The following ERCC6L2 variants were observed in gnomAD, a reference collection of about 807,000 sequenced individuals.
The protein encoded by ERCC6L2 is DNA excision repair protein ERCC-6-like 2.
Under a neutral mutation model 132.0 loss-of-function variants are expected in ERCC6L2, and 77 were observed. The ratio of observed to expected loss-of-function variants is 0.58; its 90% CI spans 0.49 to 0.71. The LOEUF is 0.71. Ranked by LOEUF, ERCC6L2 falls within the 30% of genes least tolerant of loss-of-function variation. The pLI, the probability that ERCC6L2 is intolerant of heterozygous loss-of-function variation, is 0.00. For missense variants in ERCC6L2, 1,542 were observed against 1,837.6 expected (o/e 0.84, Z 2.94); for synonymous variants, 583 against 632.4 (o/e 0.92, Z 1.17).
chr9:95,881,286 C>T lies in ERCC6L2; in HGVS notation c.464C>T (p.Thr155Ile), dbSNP rs1827577946. 6.4e-7 allele frequency: 1 copy of T among 1,559,180 alleles called. No individual in the cohort carries two copies. The highest frequency in any genetic ancestry group is 8.6e-7 in the Non-Finnish European group (1 of 1,160,160). ...ILGDDMGLGK[T>I]VQVISFLAAV... Reference sequence around the variant, plus strand: ...GGTGATGACATGGGACTTGGAAAAACAGTACAGGTATTTAATTATGTTATA... The same window carrying T: ...GGTGATGACATGGGACTTGGAAAAATAGTACAGGTATTTAATTATGTTATA... The change falls in exon 2 of 19, where the codon ACA becomes ATA. Residue 155 changes from threonine (T) to isoleucine (I), a missense_variant. Physicochemically the swap from Thr to Ile is moderately conservative, Grantham distance 89 (BLOSUM62 -1). This residue lies in a region of ERCC6L2 where 945 missense variants were observed against 1,105.2 expected (regional missense o/e 0.86). Coordinates refer to ENST00000653738, the MANE Select transcript of ERCC6L2 (RefSeq NM_020207.7).
chr9:95,980,594 G>A (rs938120082), intron 17 of ERCC6L2, among the ~76,000 whole-genome samples: 7 of 152,022 alleles, frequency 4.6e-5, no homozygotes, highest in East Asian at 3.9e-4. Context: ...ATCATATCGC[G>A]TCAATATTAC....
chr9:95,937,580 C>T (rs1009742350), intron 11 of ERCC6L2, among the ~76,000 whole-genome samples: 94 of 151,786 alleles, frequency 6.2e-4, no homozygotes, highest in African/African-American at 1.9e-3. Context: ...CAGTGGTTTG[C>T]GGTTTTTGAG....
chr9:96,040,056 T>TAA (rs71368224), intron 20 of ERCC6L2, among the ~76,000 whole-genome samples: 13,786 of 147,314 alleles, frequency 0.094, 683 homozygotes, highest in Admixed American at 0.1. Flanking sequence ...CATCTCTAAT[T>TAA]AAAAAAAAAA....
intron 11 of ERCC6L2, among the ~76,000 whole-genome samples, chr9:95,930,285 A>G (rs2132804707): frequency 6.6e-6 from 1 of 152,184 alleles, no homozygotes; most frequent in African/African-American, 2.4e-5. Flanking sequence ...GACAAGGGAA[A>G]AAGTTTTGGA....
intron 16 of ERCC6L2, among the ~76,000 whole-genome samples, chr9:95,974,696 T>C (rs1335641599): frequency 3.3e-5 from 5 of 151,698 alleles, no homozygotes; most frequent in Non-Finnish European, 7.4e-5. Context: ...TTGGTTATTA[T>C]TTTTGGGCCT....
intron 6 of ERCC6L2, among the ~76,000 whole-genome samples, chr9:95,917,708 C>G (rs1173400178): frequency 6.6e-6 from 1 of 152,112 alleles, no homozygotes; most frequent in African/African-American, 2.4e-5. Context: ...CCTCTGAAAT[C>G]AAATACTATT....
chr9:95,923,207 A>T (rs915693011), intron 8 of ERCC6L2, 53 bp from the exon 9 acceptor site: 106 of 1,549,636 alleles, frequency 6.8e-5, no homozygotes, highest in Non-Finnish European at 9.2e-5. Context: ...CAATTTATAC[A>T]GGTTTGAATG....
chr9:96,019,508 C>T (rs1273268500), downstream of ERCC6L2, among the ~76,000 whole-genome samples: 2 of 152,110 alleles, frequency 1.3e-5, no homozygotes, highest in African/African-American at 4.8e-5. Context: ...ACCCCTGACT[C>T]CTGAATCGAC....
intron 14 of ERCC6L2, chr9:95,968,263 ATC>A (rs1832256344): frequency 6.6e-6 from 1 of 152,214 alleles, no homozygotes; most frequent in Non-Finnish European, 1.5e-5. Context: ...TTTTAAAAAT[ATC>A]TTTTAAGTTC....
Position 95,978,001 on chromosome 9 carries a change from T to G in ERCC6L2, c.3338-60T>G, listed in dbSNP as rs996900419. 2.7e-6 allele frequency: 3 copies of G among 1,108,398 alleles called. No homozygotes were observed. The African/African-American group carries it at 5.0e-5, about 19-fold the overall frequency. The allele number at this position is 1,108,398 out of a possible 1,614,324, so 68.7% of individuals were successfully genotyped here. On this transcript the variant is annotated intron_variant, in intron 16 of 18. Transcript: ENST00000653738. ...TATTAAAAATAAGAATAATGTGTTT[T>G]TATGGAACCATATTGCTTTATACTG...
At chr9:95,955,893 G>T in intron 12 of ERCC6L2, 21 bp from the exon 13 acceptor site, 1 of 1,473,660 alleles carries the variant, frequency 6.8e-7, no homozygotes. Flanking sequence ...ATTTTTGTTT[G>T]TATTTTTAAT....
chr9:95,983,940 T>G (rs1157461542), intron 17 of ERCC6L2, among the ~76,000 whole-genome samples: 1 of 152,156 alleles, frequency 6.6e-6, no homozygotes, highest in Admixed American at 6.5e-5. Flanking sequence ...TCTACTTTGT[T>G]CTGGCGATTT....
chr9:95,938,979 AT>A (rs139722558), intron 11 of ERCC6L2, among the ~76,000 whole-genome samples: 45,410 of 151,540 alleles, frequency 0.3, 7,063 homozygotes, highest in East Asian at 0.39. Context: ...TGCTCTGGGT[AT>A]TTACATTGTA....
At chr9:96,003,089 A>C (rs1833745211) in intron 17 of ERCC6L2, among the ~76,000 whole-genome samples, 1 of 151,380 alleles carries the variant, frequency 6.6e-6, no homozygotes, top group Admixed American at 6.6e-5. Flanking sequence ...ACAAAGTGAG[A>C]CTCTGCTATG....
intron 12 of ERCC6L2, among the ~76,000 whole-genome samples, chr9:95,949,736 G>A (rs964602742): frequency 6.6e-6 from 1 of 152,158 alleles, no homozygotes; most frequent in African/African-American, 2.4e-5. Flanking sequence ...TATCCCTGGT[G>A]CAGTGGCTCA....
intron 17 of ERCC6L2, among the ~76,000 whole-genome samples, chr9:95,982,939 T>C (rs575696199): frequency 1.8e-4 from 27 of 152,306 alleles, no homozygotes; most frequent in African/African-American, 6.0e-4. Flanking sequence ...GTGGCATCTT[T>C]CCACACAGTG....
At chr9:95,876,216 C>A in intron 1 of ERCC6L2, 132 bp downstream of exon 1, 1 of 759,376 alleles carries the variant, frequency 1.3e-6, no homozygotes, top group Non-Finnish European at 2.1e-6. Flanking sequence ...AGATTGTGAA[C>A]CCCTCCAGGC....
chr9:95,906,327 A>G (rs1254828751), intron 3 of ERCC6L2, among the ~76,000 whole-genome samples: 1 of 152,102 alleles, frequency 6.6e-6, no homozygotes, highest in Non-Finnish European at 1.5e-5. Context: ...ATGCTTGTCC[A>G]TAGGTGATGT....
intron 11 of ERCC6L2, among the ~76,000 whole-genome samples, chr9:95,936,127 T>C (rs1037812421): frequency 6.6e-6 from 1 of 152,120 alleles, no homozygotes; most frequent in African/African-American, 2.4e-5. Context: ...AAAACATTTC[T>C]GAGCTAAATA....
Sources: gnomAD v4.1 joint callset for allele counts (sites outside exome capture counted in the v4.1 genomes callset) on GRCh38, gnomAD v4.1.1 for gene constraint, gnomAD v4.1.1 regional missense constraint, MANE v1.5 for transcripts, NCBI Gene and HGNC (gene_info 2026-07-23, HGNC 2026-07-21) for gene names.